Variants in JAK1 observed in about 807,000 individuals in gnomAD.
JAK1 encodes tyrosine-protein kinase JAK1.
A neutral mutation model predicts 136.6 loss-of-function variants in JAK1; 16 were observed. The observed-to-expected ratio is 0.12, with a 90% confidence interval of 0.08 to 0.18. The LOEUF is 0.18. Ranked by LOEUF, JAK1 falls within the 10% of genes least tolerant of loss-of-function variation. The pLI is 1.00. For missense variants in JAK1, 859 were observed against 1,450.1 expected, an observed-to-expected ratio of 0.59 and a Z score of 6.62; for synonymous variants, 492 against 519.5, an observed-to-expected ratio of 0.95 and a Z score of 0.72.
At chr1:65,047,792 A>C (rs745785581) in intron 1 of JAK1, among the ~76,000 whole-genome samples, 1 of 152,116 alleles carries the variant, frequency 6.6e-6, no homozygotes, top group Non-Finnish European at 1.5e-5. Flanking sequence ...AAACACAGTA[A>C]GTATACTGAA....
intron 2 of JAK1, among the ~76,000 whole-genome samples, chr1:65,028,134 G>A (rs569350601): frequency 6.6e-6 from 1 of 151,914 alleles, no homozygotes; most frequent in Non-Finnish European, 1.5e-5. Flanking sequence ...CCTTTGCCTG[G>A]AACGCTTTTC....
intron 2 of JAK1, among the ~76,000 whole-genome samples, chr1:65,027,570 G>T (rs1482695836): frequency 6.6e-6 from 1 of 152,180 alleles, no homozygotes; most frequent in East Asian, 1.9e-4. Context: ...ACTGTGAAAG[G>T]CAAAAGGAAG....
chr1:65,040,552 G>A (rs1359056478), intron 2 of JAK1, among the ~76,000 whole-genome samples: 1 of 152,078 alleles, frequency 6.6e-6, no homozygotes, highest in Non-Finnish European at 1.5e-5. Flanking sequence ...AACATAACGT[G>A]TTCTCAGGTT....
In JAK1 at chr1:64,887,391, C is replaced by A. The variant is rs772396445; in HGVS notation, c.-77-1050G>T. Among the ~76,000 whole-genome samples, 8 of 152,136 alleles carry A rather than the reference C, an allele frequency of 5.3e-5. No homozygotes were observed. In the South Asian group the frequency reaches 1.7e-3, roughly 32 times the overall value. On this transcript the variant is annotated intron_variant, in intron 1 of 24. Transcript: ENST00000342505. Reference sequence around the variant, plus strand: ...ATTGTTTTAATTATGTGAATAAACACCCTGCCCTGCCTCAGAACAGCACTT... The same window carrying A: ...ATTGTTTTAATTATGTGAATAAACAACCTGCCCTGCCTCAGAACAGCACTT...
intron 1 of JAK1, chr1:65,058,337 A>G (rs1353203970): frequency 5.7e-6 from 3 of 528,252 alleles, no homozygotes; most frequent in Non-Finnish European, 1.2e-5. Context: ...GTGCAGGGTA[A>G]GAGGGTTTCT....
At chr1:64,955,281 A>G (rs1646163663) in intron 1 of JAK1, among the ~76,000 whole-genome samples, 1 of 152,210 alleles carries the variant, frequency 6.6e-6, no homozygotes. Flanking sequence ...AGACCAGAAC[A>G]CGACGTACTG....
intron 1 of JAK1, among the ~76,000 whole-genome samples, chr1:65,052,206 G>C (rs1205008786): frequency 6.7e-6 from 1 of 150,114 alleles, no homozygotes; most frequent in Admixed American, 6.7e-5. Flanking sequence ...AGAGTACTGG[G>C]ATCACAGATG....
chr1:64,854,033 T>C (rs904751756), intron 11 of JAK1, among the ~76,000 whole-genome samples: 3 of 152,196 alleles, frequency 2.0e-5, no homozygotes, highest in African/African-American at 7.2e-5. Context: ...GCAGATGTGT[T>C]TTTACCTTTG....
intron 21 of JAK1, 144 bp downstream of exon 21, chr1:64,838,321 G>C (rs1326850249): frequency 1.3e-5 from 12 of 923,498 alleles, no homozygotes; most frequent in Non-Finnish European, 3.2e-6. Flanking sequence ...CTTAGTAGAA[G>C]CTAACTTTTC....
intron 9 of JAK1, 84 bp downstream of exon 9, chr1:64,860,021 G>T: frequency 8.2e-7 from 1 of 1,215,408 alleles, no homozygotes; most frequent in Non-Finnish European, 1.1e-6. Flanking sequence ...CAACTGGCCT[G>T]ACCTAAACAA....
At chr1:65,016,520 G>A (rs180835523) in intron 2 of JAK1, among the ~76,000 whole-genome samples, 39 of 152,266 alleles carry the variant, frequency 2.6e-4, no homozygotes, top group Non-Finnish European at 1.5e-5. Context: ...TACTCCGGAG[G>A]CTAAGGTAGG....
Position 64,844,228 on chromosome 1 carries a change from A to G in JAK1, c.2252-13T>C. 2 of 1,614,196 alleles carry G rather than the reference A, an allele frequency of 1.2e-6. No homozygotes were observed. Among genetic ancestry groups the G allele is most frequent in the Middle Eastern group, 3.3e-4 (2 of 6,062 alleles). On this transcript the variant is annotated splice_polypyrimidine_tract_variant and intron_variant, in intron 16 of 24. Coordinates refer to ENST00000342505, the MANE Select transcript of JAK1 (RefSeq NM_002227.4). This position sits in a 1 kb window ranked among gnomAD's most constrained non-coding sequence, Gnocchi z 5.7. ...CGTTCAATGCATTCTGGAAGACAAC[A>G]GACACACTGATGGAGCAGTTTCTGG...
At chr1:64,971,199 T>C (rs2100671149), upstream of JAK1, among the ~76,000 whole-genome samples, 1 of 152,330 alleles carries the variant, frequency 6.6e-6, no homozygotes, top group East Asian at 1.9e-4. Context: ...CCATATTATA[T>C]GTTTTCTTCC....
chr1:64,913,487 T>C (rs182010687), intron 1 of JAK1, among the ~76,000 whole-genome samples: 152 of 152,140 alleles, frequency 1.0e-3, no homozygotes, highest in Non-Finnish European at 1.8e-3. Context: ...AAATTGGTCA[T>C]ACAATGATAA....
intron 2 of JAK1, among the ~76,000 whole-genome samples, chr1:64,996,063 T>G (rs1051049939): frequency 6.6e-6 from 1 of 152,186 alleles, no homozygotes; most frequent in Non-Finnish European, 1.5e-5. Context: ...TCTTTTTTTT[T>G]CTTTCCTTCA....
At chr1:64,906,731 A>G (rs2100236901) in intron 1 of JAK1, among the ~76,000 whole-genome samples, 1 of 152,368 alleles carries the variant, frequency 6.6e-6, no homozygotes, top group South Asian at 2.1e-4. Context: ...GAGTGAATAC[A>G]TAAATATTGA....
chr1:64,868,290 G>A (rs556968607), intron 6 of JAK1, among the ~76,000 whole-genome samples: 8 of 152,144 alleles, frequency 5.3e-5, no homozygotes, highest in South Asian at 4.2e-4. Context: ...GGCCAAATGC[G>A]GAGACTGATC....
At chr1:64,996,063 T>C (rs1051049939) in intron 2 of JAK1, among the ~76,000 whole-genome samples, 14 of 152,186 alleles carry the variant, frequency 9.2e-5, no homozygotes, top group Non-Finnish European at 1.9e-4. Context: ...TCTTTTTTTT[T>C]CTTTCCTTCA....
chr1:64,962,814 T>C (rs577516472), intron 1 of JAK1, among the ~76,000 whole-genome samples: 1 of 152,266 alleles, frequency 6.6e-6, no homozygotes, highest in Non-Finnish European at 1.5e-5. Context: ...ACGCCTGTAA[T>C]CCCAGCACTG....
Sources: gnomAD v4.1 joint callset for allele counts (sites outside exome capture counted in the v4.1 genomes callset) on GRCh38, gnomAD v4.1.1 for gene constraint, Gnocchi (gnomAD v3.1) non-coding constraint, MANE v1.5 for transcripts, NCBI Gene and HGNC (gene_info 2026-07-23, HGNC 2026-07-21) for gene names.